RSF1: variants seen among roughly 807,000 people sequenced by gnomAD.
The protein encoded by RSF1 is HBV pX-associated protein 8.
In RSF1, 13 loss-of-function variants were observed where a neutral mutation model predicts 145.2. The observed-to-expected ratio is 0.09, with a 90% confidence interval of 0.06 to 0.14. RSF1 has a LOEUF of 0.14. RSF1 is among the 10% of genes least tolerant of loss of function. The probability of loss-of-function intolerance (pLI) is 1.00; values close to 1 mark genes in which losing one functional copy is unlikely to be tolerated. For missense variants in RSF1, 1,517 were observed against 1,718.2 expected (o/e 0.88, Z 2.07); for synonymous variants, 577 against 592.6 (o/e 0.97, Z 0.38).
the RSF1 span, among the ~76,000 whole-genome samples, chr11:77,871,910 TAAATCCAAGGCTAACTGC>T: frequency 6.6e-6 from 1 of 152,230 alleles, no homozygotes; most frequent in African/African-American, 2.4e-5. Flanking sequence ...AGTAAGGATG[TAAATCCAAGGCTAACTGC>T]AAATCCCATG....
upstream of RSF1, among the ~76,000 whole-genome samples, chr11:77,825,264 G>A (rs1374035442): frequency 6.6e-6 from 1 of 151,918 alleles, no homozygotes; most frequent in Non-Finnish European, 1.5e-5. Context: ...TTACAGGCAT[G>A]AGCCACCAGG....
At chr11:77,724,686 C>G (rs1961012075) in intron 5 of RSF1, among the ~76,000 whole-genome samples, 1 of 152,010 alleles carries the variant, frequency 6.6e-6, no homozygotes, top group African/African-American at 2.4e-5. Context: ...TGTTCCACCT[C>G]AGATCATCAA....
the RSF1 span, among the ~76,000 whole-genome samples, chr11:77,858,486 C>T: frequency 2.6e-5 from 4 of 151,798 alleles, no homozygotes; most frequent in African/African-American, 4.8e-5. Flanking sequence ...ATCATTTTAA[C>T]GAGCTCTCTT....
intron 15 of RSF1, among the ~76,000 whole-genome samples, chr11:77,670,443 C>A (rs2135808960): frequency 6.6e-6 from 1 of 152,256 alleles, no homozygotes; most frequent in South Asian, 2.1e-4. Flanking sequence ...CAACTACTTT[C>A]CCAACCCCCT....
chr11:77,820,176 C>T (rs1485114638), intron 1 of RSF1, among the ~76,000 whole-genome samples: 4 of 152,150 alleles, frequency 2.6e-5, no homozygotes, highest in African/African-American at 7.2e-5. Flanking sequence ...CCCCTTCCCC[C>T]GCCGCCAAGG....
chr11:77,819,850 C>T (rs1218692339), intron 1 of RSF1, among the ~76,000 whole-genome samples: 1 of 152,062 alleles, frequency 6.6e-6, no homozygotes, highest in Admixed American at 6.5e-5. Flanking sequence ...GACTTCGCCC[C>T]CCTACCGAGA....
intron 8 of RSF1, among the ~76,000 whole-genome samples, chr11:77,692,857 T>C (rs1447665949): frequency 2.0e-5 from 3 of 152,044 alleles, no homozygotes; most frequent in Non-Finnish European, 4.4e-5. Context: ...TTTGTATTTT[T>C]AGTAGAGACA....
the RSF1 span, chr11:77,841,165 C>T: frequency 1.4e-6 from 1 of 700,976 alleles, no homozygotes; most frequent in Non-Finnish European, 2.6e-6. Context: ...ACTACTCCTG[C>T]AATAACAGCA....
chr11:77,823,588 C>G (rs1011237920), upstream of RSF1, among the ~76,000 whole-genome samples: 1 of 138,074 alleles, frequency 7.2e-6, no homozygotes, highest in Non-Finnish European at 1.5e-5. Flanking sequence ...TGCCACTGCA[C>G]TCCAGCCTGG....
At chr11:77,803,223 C>G (rs1458935097) in intron 1 of RSF1, among the ~76,000 whole-genome samples, 1 of 152,086 alleles carries the variant, frequency 6.6e-6, no homozygotes, top group Non-Finnish European at 1.5e-5. Flanking sequence ...CCATGGCTCA[C>G]TGGAGCCTCC....
intron 9 of RSF1, among the ~76,000 whole-genome samples, chr11:77,688,152 C>A (rs933195540): frequency 6.6e-6 from 1 of 152,006 alleles, no homozygotes; most frequent in African/African-American, 2.4e-5. Context: ...ATTAGCTGGG[C>A]ATTGTGGCGC....
At chr11:77,850,640 T>C in the RSF1 span, 1 of 152,296 alleles carries the variant, frequency 6.6e-6, no homozygotes, top group Non-Finnish European at 1.5e-5. Flanking sequence ...CAACTTTTTA[T>C]TTTGAAAAAT....
chr11:77,694,038 C>G (rs1335609005), intron 7 of RSF1, among the ~76,000 whole-genome samples: 1 of 152,064 alleles, frequency 6.6e-6, no homozygotes, highest in Non-Finnish European at 1.5e-5. Flanking sequence ...CCACCTCGGC[C>G]TCCCAAAGTG....
intron 2 of RSF1, among the ~76,000 whole-genome samples, chr11:77,749,976 T>C (rs1488758559): frequency 6.6e-6 from 1 of 152,102 alleles, no homozygotes. Flanking sequence ...CTCGAATTCC[T>C]GACCTTGCGA....
intron 1 of RSF1, among the ~76,000 whole-genome samples, chr11:77,778,157 AGGGGGAATG>A (rs1452118120): frequency 1.6e-4 from 2 of 12,678 alleles, no homozygotes; most frequent in African/African-American, 6.0e-4. Flanking sequence ...GGGGGAGGGA[AGGGGGAATG>A]GAGGGGGAGT....
the RSF1 span, among the ~76,000 whole-genome samples, chr11:77,849,391 T>C: frequency 6.6e-6 from 1 of 152,012 alleles, no homozygotes; most frequent in Non-Finnish European, 1.5e-5. Flanking sequence ...CCGGCTAATT[T>C]CTTTTGTATT....
chr11:77,843,688 C>T, the RSF1 span, among the ~76,000 whole-genome samples: 1 of 152,172 alleles, frequency 6.6e-6, no homozygotes, highest in African/African-American at 2.4e-5. Context: ...TCTCACAGTT[C>T]TGGAGACTGA....
At chr11:77,777,195 G>T (rs554251511) in intron 1 of RSF1, among the ~76,000 whole-genome samples, 3 of 152,080 alleles carry the variant, frequency 2.0e-5, no homozygotes, top group Non-Finnish European at 4.4e-5. Context: ...AGATAAAATT[G>T]CCATAATACC....
chr11:77,851,803 C>T, the RSF1 span, among the ~76,000 whole-genome samples: 2 of 152,076 alleles, frequency 1.3e-5, no homozygotes, highest in Non-Finnish European at 2.9e-5. Context: ...GCTTGTACAG[C>T]CTGCAGAACT....
Sources: allele counts gnomAD v4.1 joint callset (sites outside exome capture counted in the v4.1 genomes callset), GRCh38; gene constraint gnomAD v4.1.1; transcripts MANE v1.5; gene names NCBI Gene and HGNC (gene_info 2026-07-23, HGNC 2026-07-21).